Variants in STARD8 observed in about 807,000 individuals in gnomAD.
STARD8 encodes StAR related lipid transfer domain containing 8.
STARD8 carries 25 observed loss-of-function variants against 69.4 expected under a neutral mutation model. The observed-to-expected ratio is 0.36, with a 90% CI of 0.26 to 0.50. The LOEUF is 0.50. Among genes scored for constraint, STARD8 ranks in the 20% least tolerant of loss-of-function variants. STARD8 has a pLI of 0.96. For missense variants in STARD8, 921 were observed against 932.5 expected (o/e 0.99, Z 0.16); for synonymous variants, 389 against 374.6 (o/e 1.04, Z -0.45).
rs1475313627 is a variant in STARD8, at chrX:68,647,694, C to G, written c.-189C>G. On this transcript the variant is annotated 5_prime_UTR_variant, in exon 1 of 15. Transcript: ENST00000374599. ...GGCCTTCCAGGAGGCGGGAGGCGCC[C>G]GCTGTCGAGGCAGCTGAGCCCCGGC... 5 of 490,548 alleles carry G rather than the reference C, an allele frequency of 1.0e-5. No individual in the cohort carries two copies. The South Asian group carries it at 1.5e-4, about 14-fold the overall frequency. The allele number at this position is 490,548 out of a possible 1,213,427, so 40.4% of individuals were successfully genotyped here.
At chrX:68,689,497 A>G (rs2079860015) in intron 2 of STARD8, among the ~76,000 whole-genome samples, 1 of 112,272 alleles carries the variant, frequency 8.9e-6, no homozygotes, top group Non-Finnish European at 1.9e-5. Flanking sequence ...AGGAGAGATG[A>G]CAGGTCCCCG....
intron 6 of STARD8, 25 bp downstream of exon 6, chrX:68,718,654 C>T (rs1367111400): frequency 2.6e-6 from 3 of 1,156,157 alleles, no homozygotes; most frequent in East Asian, 3.1e-5. Flanking sequence ...TGGGATGGGG[C>T]GGACGCAGGG....
At chrX:68,696,180 G>A (rs906835709) in intron 2 of STARD8, among the ~76,000 whole-genome samples, 1 of 112,660 alleles carries the variant, frequency 8.9e-6, no homozygotes, top group Non-Finnish European at 1.9e-5. Flanking sequence ...AGGGACAGCA[G>A]ATTTCAAAGA....
chrX:68,652,924 A>C (rs1602534037), intron 1 of STARD8, among the ~76,000 whole-genome samples: 1 of 28,970 alleles, frequency 3.5e-5, no homozygotes, highest in Non-Finnish European at 6.4e-5. Flanking sequence ...ACACACACAC[A>C]TCACACACAC....
chrX:68,713,041 T>A, intron 3 of STARD8, 56 bp downstream of exon 3: 1 of 1,089,244 alleles, frequency 9.2e-7, no homozygotes, highest in Non-Finnish European at 1.3e-6. Context: ...CAGTTTTTCA[T>A]CTGTTAGATG....
Position 68,656,538 on chromosome X carries a change from A to G in STARD8, c.45+8611A>G, listed in dbSNP as rs764178206. The G allele has an allele frequency of 5.3e-5, 6 of 112,208 alleles. No individual in the cohort carries two copies. In the East Asian group the frequency reaches 1.7e-3, roughly 31 times the overall value. The allele number at this position is 112,208 out of a possible 1,213,427, so 9.2% of individuals were successfully genotyped here. A position where few individuals can be genotyped will look rare whatever the true frequency, so the allele number is the denominator to read the frequency against. Reference sequence around the variant, plus strand: ...CCAAAAGATTATAAATCATGCTGCTAATAAAGACACATGCACGCATATGTT... The same window carrying G: ...CCAAAAGATTATAAATCATGCTGCTGATAAAGACACATGCACGCATATGTT... On this transcript the variant is annotated intron_variant, in intron 1 of 14. Coordinates refer to ENST00000374599, the MANE Select transcript of STARD8 (RefSeq NM_001142503.3).
At chrX:68,692,883 C>T (rs188226473) in intron 2 of STARD8, among the ~76,000 whole-genome samples, 24 of 112,576 alleles carry the variant, frequency 2.1e-4, no homozygotes, top group African/African-American at 7.7e-4. Flanking sequence ...TGCATGAGGT[C>T]CTGGATACTC....
rs781044005 is a variant in STARD8 at position 68,720,430 on chromosome X, C to T, written c.2049+7C>T. 4 of 1,159,740 alleles carry T rather than the reference C, an allele frequency of 3.4e-6. No individual in the cohort carries two copies. The East Asian group carries it at 9.4e-5, about 27-fold the overall frequency. ...CAGCCAGTGCCTGGACCAAGTGAGC[C>T]CTCGTGGGGCAGCCTGCCGGGAGAT... On this transcript the variant is annotated splice_region_variant and intron_variant, in intron 8 of 14. Transcript: ENST00000374599.
intron 2 of STARD8, 98 bp from the exon 3 acceptor site, chrX:68,712,816 C>G: frequency 2.6e-6 from 2 of 772,879 alleles, no homozygotes; most frequent in African/African-American, 2.1e-5. Context: ...TGAGACATGT[C>G]TGCCTGCTGG....
intron 2 of STARD8, among the ~76,000 whole-genome samples, chrX:68,711,160 G>T (rs990116825): frequency 4.5e-5 from 5 of 110,926 alleles, no homozygotes; most frequent in Non-Finnish European, 9.4e-5. Context: ...AGGTCCTGGC[G>T]ATTCCTAGAT....
Position 68,718,049 on chromosome X carries a change from G to A in STARD8, c.1135G>A (p.Glu379Lys), listed in dbSNP as rs1379061026. Reference protein sequence around the residue: ...VGAEAEDEDDEESGGSYAHLD... With the variant: ...VGAEAEDEDDKESGGSYAHLD... ...GGCTGAGGCTGAAGATGAAGATGAT[G>A]AGGAGAGTGGGGGCAGCTATGCTCA... Residue 379 changes from glutamate to lysine, a missense_variant, in exon 6 of 15, where the codon GAG becomes AAG. Physicochemically the swap from Glu to Lys is moderately conservative, Grantham distance 56. Coordinates refer to ENST00000374599, the MANE Select transcript of STARD8 (RefSeq NM_001142503.3). 4 of 1,209,444 alleles carry A rather than the reference G, an allele frequency of 3.3e-6. No homozygotes were observed. Among genetic ancestry groups the A allele is most frequent in the Non-Finnish European group, 4.5e-6 (4 of 894,934 alleles).
rs147293177 is a variant in STARD8 at position 68,722,579 on chromosome X, C to T, written c.2732C>T (p.Ala911Val). Residue 911 changes from alanine (A) to valine (V), a missense_variant, in exon 12 of 15, where the codon GCT (alanine) becomes GTT (valine). Physicochemically the swap from Ala to Val is moderately conservative, Grantham distance 64 (BLOSUM62 0). Coordinates refer to ENST00000374599, the MANE Select transcript of STARD8 (RefSeq NM_001142503.3). ...EENIQDLLRD[A>V]AERFKGWMSV... ...AATATCCAGGACCTGCTGCGTGATG[C>T]TGCTGAGCGCTTCAAGGGCTGGATG... 58 of 1,210,772 alleles carry T rather than the reference C, an allele frequency of 4.8e-5. No homozygotes were observed. Among genetic ancestry groups the T allele is most frequent in the Non-Finnish European group, 6.0e-5 (54 of 895,410 alleles).
At chrX:68,659,014 A>G (rs1337435521) in intron 1 of STARD8, among the ~76,000 whole-genome samples, 2 of 112,096 alleles carry the variant, frequency 1.8e-5, no homozygotes, top group Non-Finnish European at 1.9e-5. Context: ...TGGGAGCTGG[A>G]GAGAAGAATG....
chrX:68,722,342 G>T, intron 11 of STARD8, 80 bp from the exon 12 acceptor site: 2 of 960,503 alleles, frequency 2.1e-6, no homozygotes, highest in Non-Finnish European at 2.8e-6. Context: ...CCTCTCCACT[G>T]CCCTTAACGT....
chrX:68,697,118 A>G (rs1480193879), intron 2 of STARD8, among the ~76,000 whole-genome samples: 2 of 112,167 alleles, frequency 1.8e-5, no homozygotes, highest in Admixed American at 1.9e-4. Context: ...ACATATTTCA[A>G]TACGTATTTC....
intron 1 of STARD8, among the ~76,000 whole-genome samples, chrX:68,661,914 CTT>C (rs1345987678): frequency 1.0e-5 from 1 of 99,263 alleles, no homozygotes; most frequent in South Asian, 5.2e-4. Context: ...TCCTTCCTTC[CTT>C]CCTTCCTTCC....
chrX:68,695,213 G>A (rs757755522), intron 2 of STARD8, among the ~76,000 whole-genome samples: 4 of 110,228 alleles, frequency 3.6e-5, no homozygotes, highest in Non-Finnish European at 7.6e-5. Flanking sequence ...GCATGGAGAA[G>A]AAGGCTGCAG....
At chrX:68,721,241 A>G in intron 9 of STARD8, 119 bp downstream of exon 9, 1 of 848,156 alleles carries the variant, frequency 1.2e-6, no homozygotes, top group Non-Finnish European at 1.7e-6. Context: ...AGCTGATTGG[A>G]ACAGTTACTA....
chrX:68,705,242 G>A (rs933492558), intron 2 of STARD8, among the ~76,000 whole-genome samples: 5 of 112,218 alleles, frequency 4.5e-5, no homozygotes, highest in African/African-American at 1.6e-4. Flanking sequence ...GTGCCAGGCA[G>A]GAATGTTAGC....
Sources: allele counts gnomAD v4.1 joint callset (sites outside exome capture counted in the v4.1 genomes callset), GRCh38; gene constraint gnomAD v4.1.1; transcripts MANE v1.5; gene names NCBI Gene and HGNC (gene_info 2026-07-23, HGNC 2026-07-21).